Variants in RBFOX1 observed in about 807,000 individuals in gnomAD.
RBFOX1 encodes RNA binding fox-1 homolog 1, also known as RNA binding protein fox-1 homolog 1.
Under a neutral mutation model 57.7 loss-of-function variants are expected in RBFOX1, and 8 were observed. The ratio of observed to expected loss-of-function variants is 0.14; its 90% CI spans 0.08 to 0.25. The LOEUF is 0.25. RBFOX1 is among the 10% of genes least tolerant of loss of function. The pLI is 1.00. For missense variants in RBFOX1, 611 were observed against 548.5 expected (o/e 1.11, Z -1.14); for synonymous variants, 326 against 222.4 (o/e 1.47, Z -4.15).
intron 3 of RBFOX1, among the ~76,000 whole-genome samples, chr16:5,714,914 C>G (rs1269651985): frequency 6.6e-6 from 1 of 152,176 alleles, no homozygotes; most frequent in African/African-American, 2.4e-5. Context: ...CAGAGGCAAG[C>G]ATAGAGTTGA....
At chr16:6,670,073 G>T (rs2098754675) in intron 3 of RBFOX1, among the ~76,000 whole-genome samples, 1 of 152,078 alleles carries the variant, frequency 6.6e-6, no homozygotes, top group Admixed American at 6.5e-5. Context: ...CCACGTTGGA[G>T]TGCAGTGGTA....
intron 1 of RBFOX1, among the ~76,000 whole-genome samples, chr16:6,283,993 T>G (rs1280942437): frequency 6.6e-6 from 1 of 152,202 alleles, no homozygotes; most frequent in African/African-American, 2.4e-5. Context: ...CGTGTTGATC[T>G]TAGTGAGCTG....
At chr16:6,033,173 C>G (rs1209685750) in intron 1 of RBFOX1, among the ~76,000 whole-genome samples, 2 of 152,094 alleles carry the variant, frequency 1.3e-5, no homozygotes, top group Admixed American at 1.3e-4. Flanking sequence ...ATGAGGGCCT[C>G]TATACAGGAA....
At chr16:7,193,801 A>G (rs2086019566) in intron 4 of RBFOX1, among the ~76,000 whole-genome samples, 1 of 152,228 alleles carries the variant, frequency 6.6e-6, no homozygotes, top group Non-Finnish European at 1.5e-5. Flanking sequence ...AGGTCCTAGA[A>G]GATATTATGG....
At chr16:5,889,231 T>C (rs1478519748) in intron 4 of RBFOX1, among the ~76,000 whole-genome samples, 1 of 152,084 alleles carries the variant, frequency 6.6e-6, no homozygotes, top group Admixed American at 6.6e-5. Flanking sequence ...CTCCTGATGC[T>C]CTCCCTCCCC....
intron 14 of RBFOX1, among the ~76,000 whole-genome samples, chr16:7,677,354 G>A (rs971381271): frequency 6.6e-6 from 1 of 152,118 alleles, no homozygotes; most frequent in Non-Finnish European, 1.5e-5. Context: ...GAGTGTCCCT[G>A]GCATTCATAA....
intron 2 of RBFOX1, among the ~76,000 whole-genome samples, chr16:6,326,235 A>G (rs1317119543): frequency 6.6e-6 from 1 of 152,214 alleles, no homozygotes; most frequent in African/African-American, 2.4e-5. Context: ...TCATTCATAA[A>G]TAGCTATGGA....
chr16:6,395,565 G>A (rs193261321), intron 2 of RBFOX1, among the ~76,000 whole-genome samples: 2 of 137,316 alleles, frequency 1.5e-5, no homozygotes, highest in African/African-American at 5.8e-5. Context: ...AGCTTTTTGT[G>A]TGAAAAAACA....
intron 2 of RBFOX1, 48 bp downstream of exon 2, chr16:6,317,105 C>A: frequency 6.9e-7 from 1 of 1,458,152 alleles, no homozygotes; most frequent in Non-Finnish European, 9.3e-7. Context: ...ACATCCATGT[C>A]TTTGATCCTG....
intron 1 of RBFOX1, among the ~76,000 whole-genome samples, chr16:6,124,114 G>T (rs937160543): frequency 2.0e-4 from 30 of 152,160 alleles, no homozygotes; most frequent in African/African-American, 7.0e-4. Flanking sequence ...CCTTCTGGGT[G>T]TTTTGTTTGC....
intron 3 of RBFOX1, among the ~76,000 whole-genome samples, chr16:6,666,235 T>C (rs1041286614): frequency 1.1e-4 from 17 of 151,662 alleles, no homozygotes; most frequent in Non-Finnish European, 1.5e-5. Context: ...ACAGGAGGAG[T>C]TGAAGAATGT....
intron 1 of RBFOX1, chr16:6,090,186 C>G (rs2096151042): frequency 1.3e-5 from 2 of 152,116 alleles, no homozygotes. Flanking sequence ...TTCTGCCTCC[C>G]TCTTCTAGGT....
intron 4 of RBFOX1, among the ~76,000 whole-genome samples, chr16:5,898,466 C>G (rs1411002014): frequency 2.6e-5 from 4 of 151,950 alleles, no homozygotes; most frequent in Admixed American, 6.6e-5. Flanking sequence ...GAATAATCCA[C>G]TGTCCTGTGT....
chr16:5,493,856 C>T (rs147328753), intron 2 of RBFOX1, among the ~76,000 whole-genome samples: 1 of 152,192 alleles, frequency 6.6e-6, no homozygotes, highest in African/African-American at 2.4e-5. Context: ...GAAGGTGTTT[C>T]TGCAACGGTA....
chr16:6,084,418 A>G (rs1303995563), intron 1 of RBFOX1, among the ~76,000 whole-genome samples: 1 of 151,820 alleles, frequency 6.6e-6, no homozygotes. Context: ...TATGTTTTGT[A>G]TTTTTTGTGA....
chr16:6,538,989 G>C (rs924277389), intron 2 of RBFOX1, among the ~76,000 whole-genome samples: 3 of 152,122 alleles, frequency 2.0e-5, no homozygotes, highest in African/African-American at 4.8e-5. Context: ...TCCAGGTACT[G>C]TGTCATTCCA....
At chr16:5,581,199 A>G (rs1378907577) in intron 2 of RBFOX1, among the ~76,000 whole-genome samples, 3 of 152,206 alleles carry the variant, frequency 2.0e-5, no homozygotes, top group Non-Finnish European at 4.4e-5. Context: ...ACTAGAAGCT[A>G]AAGCAAGAGT....
At chr16:6,372,102 A>T (rs2090513521) in intron 2 of RBFOX1, among the ~76,000 whole-genome samples, 1 of 152,002 alleles carries the variant, frequency 6.6e-6, no homozygotes, top group African/African-American at 2.4e-5. Flanking sequence ...TGGAGTGGAG[A>T]TTCGATGGAA....
At chr16:6,823,960 C>A (rs933764835) in intron 3 of RBFOX1, among the ~76,000 whole-genome samples, 1 of 152,158 alleles carries the variant, frequency 6.6e-6, no homozygotes, top group South Asian at 2.1e-4. Context: ...GAGGTGGCAT[C>A]TGGTCCAAAT....
Sources: allele counts gnomAD v4.1 joint callset (sites outside exome capture counted in the v4.1 genomes callset), GRCh38; gene constraint gnomAD v4.1.1; transcripts MANE v1.5; gene names NCBI Gene and HGNC (gene_info 2026-07-23, HGNC 2026-07-21).